SCARB2: variants seen among roughly 807,000 people sequenced by gnomAD.
SCARB2 encodes scavenger receptor class B member 2, also known as lysosome membrane protein 2.
SCARB2 carries 29 observed loss-of-function variants against 58.6 expected under a neutral mutation model. The observed-to-expected ratio is 0.49, with a 90% CI of 0.37 to 0.67. SCARB2 has a LOEUF of 0.67. SCARB2 is among the 30% of genes least tolerant of loss of function. SCARB2 has a pLI of 0.00. For synonymous variants in SCARB2, 195 were observed against 210.1 expected, an observed-to-expected ratio of 0.93 and a Z score of 0.62; for missense variants, 488 against 578.5, an observed-to-expected ratio of 0.84 and a Z score of 1.60.
At chr4:76,189,628 A>AT (rs939312178) in intron 2 of SCARB2, among the ~76,000 whole-genome samples, 2 of 150,920 alleles carry the variant, frequency 1.3e-5, no homozygotes, top group African/African-American at 2.4e-5. Flanking sequence ...CACCCAGCTA[A>AT]TTTTTTTTTC....
intron 1 of SCARB2, among the ~76,000 whole-genome samples, chr4:76,204,181 C>T (rs78436526): frequency 0.024 from 3,605 of 152,248 alleles, 128 homozygotes; most frequent in African/African-American, 0.082. Flanking sequence ...TTTAAAATTG[C>T]TCCCTGAAAC....
At chr4:76,189,785 A>T (rs530505121) in intron 2 of SCARB2, among the ~76,000 whole-genome samples, 23 of 152,194 alleles carry the variant, frequency 1.5e-4, no homozygotes, top group Admixed American at 1.0e-3. Flanking sequence ...AGGGTTTTTT[A>T]AAAAGTCCCT....
chr4:76,173,307 G>A (rs1732172799), intron 7 of SCARB2: 1 of 144,070 alleles, frequency 6.9e-6, no homozygotes, highest in Non-Finnish European at 1.5e-5. Context: ...TTAAAACTGA[G>A]TTGTCCACTT....
intron 1 of SCARB2, among the ~76,000 whole-genome samples, chr4:76,203,152 T>C (rs1732863747): frequency 6.6e-6 from 1 of 152,098 alleles, no homozygotes; most frequent in Admixed American, 6.6e-5. Context: ...TTTTTGTATT[T>C]TTAGTAGAGA....
At chr4:76,202,413 G>A (rs1221737688) in intron 1 of SCARB2, among the ~76,000 whole-genome samples, 1 of 151,938 alleles carries the variant, frequency 6.6e-6, no homozygotes, top group East Asian at 1.9e-4. Context: ...AGGCACACAT[G>A]ACCACACCTG....
intron 1 of SCARB2, chr4:76,234,286 T>G (rs1290965503): frequency 6.6e-6 from 1 of 152,520 alleles, no homozygotes; most frequent in Non-Finnish European, 1.5e-5. Context: ...TGAGAGGTTT[T>G]GAGTCATTTC....
chr4:76,195,953 C>T, intron 1 of SCARB2, 89 bp from the exon 2 acceptor site: 1 of 881,500 alleles, frequency 1.1e-6, no homozygotes. Context: ...GCCCCCTATT[C>T]TGACCTCCTA....
intron 1 of SCARB2, among the ~76,000 whole-genome samples, chr4:76,230,785 T>C (rs6846983): frequency 0.21 from 31,713 of 152,064 alleles, 3,516 homozygotes; most frequent in East Asian, 0.36. Flanking sequence ...AAATCTGCCA[T>C]TCTTACCCAC....
chr4:76,179,720 T>C lies in SCARB2; in HGVS notation c.424-15A>G. 1 of 1,605,864 alleles carries C rather than the reference T, an allele frequency of 6.2e-7. No homozygotes were observed. On this transcript the variant is annotated splice_polypyrimidine_tract_variant and intron_variant, in intron 3 of 11. Coordinates refer to ENST00000264896, the MANE Select transcript of SCARB2 (RefSeq NM_005506.4). ...TCTATGACAGTCTGCGGAGCAGAGG[T>C]ATATTAAGACAGCAGCATCCCCTCC... is the stretch of plus-strand genomic sequence containing the variant.
chr4:76,194,171 A>T (rs1468299041), intron 2 of SCARB2: 1 of 152,254 alleles, frequency 6.6e-6, no homozygotes, highest in Admixed American at 6.5e-5. Flanking sequence ...GCTTCCCCAG[A>T]AGCCGAGCAG....
chr4:76,179,432 A>C, intron 4 of SCARB2, 85 bp downstream of exon 4: 1 of 969,366 alleles, frequency 1.0e-6, no homozygotes. Flanking sequence ...CAATTTCTAG[A>C]AGAAACTCAA....
chr4:76,195,607 C>T, intron 2 of SCARB2, 100 bp downstream of exon 2: 1 of 1,001,960 alleles, frequency 1.0e-6, no homozygotes, highest in Admixed American at 1.8e-5. Flanking sequence ...AGTGTGCTCC[C>T]ACACAGCCCT....
In SCARB2 at chr4:76,187,614, T is replaced by C. The variant is rs201205851; in HGVS notation, c.276-6513A>G. 5.5e-4 allele frequency among the ~76,000 whole-genome samples: 84 copies of C among 152,262 alleles called. 2 individuals carry two copies. The East Asian group carries it at 0.015, about 27-fold the overall frequency. On this transcript the variant is annotated intron_variant, in intron 2 of 11. Transcript: ENST00000264896. ...ATTAGGTGAATAAAAAATATGTATA[T>C]TTTGTATATGTACATGCATATGTAC...
In SCARB2 at chr4:76,197,707, C is replaced by T. The variant is rs532121446; in HGVS notation, c.118-1843G>A. 3.3e-5 allele frequency among the ~76,000 whole-genome samples: 5 copies of T among 152,152 alleles called. No individual in the cohort carries two copies. In the South Asian group the frequency reaches 1.0e-3, roughly 32 times the overall value. The stretch of plus-strand genomic sequence containing the variant: ...TTTTACTGTAAAAACGGCTGAAATA[C>T]AAAAATAATATAAAAGCACAGACTG... On this transcript the variant is annotated intron_variant, in intron 1 of 11. Coordinates refer to ENST00000264896, the MANE Select transcript of SCARB2 (RefSeq NM_005506.4).
intron 11 of SCARB2, 125 bp downstream of exon 11, chr4:76,163,100 T>C (rs1731931966): frequency 2.4e-6 from 3 of 1,238,944 alleles, no homozygotes; most frequent in Admixed American, 3.7e-5. Flanking sequence ...ACGAAATCAC[T>C]ATGCCCAGCA....
rs561023934 is a variant in SCARB2, at chr4:76,160,737, T to G, written c.*976A>C. Reference sequence around the variant, plus strand: ...GTCTAATCAGACTTTCTGAAACTTATGTGTAACTTAGGCTGTAGATAGATG... The same window carrying G: ...GTCTAATCAGACTTTCTGAAACTTAGGTGTAACTTAGGCTGTAGATAGATG... On this transcript the variant is annotated 3_prime_UTR_variant, in exon 12 of 12. Transcript: ENST00000264896. The G allele has an allele frequency of 5.3e-5, 8 of 152,334 alleles. No individual in the cohort carries two copies. The South Asian group carries it at 1.5e-3, about 28-fold the overall frequency. The allele number at this position is 152,334 out of a possible 1,614,324, so 9.4% of individuals were successfully genotyped here.
intron 4 of SCARB2, among the ~76,000 whole-genome samples, chr4:76,177,668 C>T (rs1295446059): frequency 6.6e-6 from 1 of 152,148 alleles, no homozygotes; most frequent in African/African-American, 2.4e-5. Context: ...TGTGGTATAT[C>T]TACACAACGG....
chr4:76,223,833 G>T (rs781752663), intron 1 of SCARB2, among the ~76,000 whole-genome samples: 6 of 150,976 alleles, frequency 4.0e-5, no homozygotes, highest in Non-Finnish European at 8.8e-5. Flanking sequence ...AGTGTCCCTG[G>T]CCTGCTTTCC....
intron 1 of SCARB2, among the ~76,000 whole-genome samples, chr4:76,222,517 C>T (rs1014469368): frequency 5.9e-5 from 9 of 152,204 alleles, no homozygotes; most frequent in African/African-American, 1.9e-4. Context: ...CATGAGCCAC[C>T]GTGCCCGGCC....
Sources: gnomAD v4.1 joint callset for allele counts (sites outside exome capture counted in the v4.1 genomes callset) on GRCh38, gnomAD v4.1.1 for gene constraint, MANE v1.5 for transcripts, NCBI Gene and HGNC (gene_info 2026-07-23, HGNC 2026-07-21) for gene names.